MMRN1: variants seen among roughly 807,000 people sequenced by gnomAD.
MMRN1 encodes multimerin 1, also known as multimerin-1.
In MMRN1, 94 loss-of-function variants were observed where a neutral mutation model predicts 100.7. The observed-to-expected ratio is 0.93, with a 90% CI of 0.79 to 1.11. The LOEUF (loss-of-function observed/expected upper bound fraction) is 1.11. Ranked by LOEUF, MMRN1 falls within the 50% of genes least tolerant of loss-of-function variation. The pLI is 0.00. For missense variants in MMRN1, 1,606 were observed against 1,439.1 expected, an observed-to-expected ratio of 1.12 and a Z score of -1.88; for synonymous variants, 575 against 505.0, an observed-to-expected ratio of 1.14 and a Z score of -1.86.
chr4:89,895,784 A>C (rs1035855602), intron 1 of MMRN1, among the ~76,000 whole-genome samples, 190 bp downstream of exon 1: 1 of 152,128 alleles, frequency 6.6e-6, no homozygotes, highest in Admixed American at 6.6e-5. Context: ...AAGAAATAAA[A>C]TGCAGCAATT....
chr4:89,947,632 G>A (rs1215570614), intron 6 of MMRN1, among the ~76,000 whole-genome samples: 1 of 152,130 alleles, frequency 6.6e-6, no homozygotes, highest in East Asian at 1.9e-4. Flanking sequence ...GGAGCATCAG[G>A]CAGCAATGGA....
At chr4:89,926,356 G>T (rs990993658) in intron 4 of MMRN1, among the ~76,000 whole-genome samples, 1 of 150,608 alleles carries the variant, frequency 6.6e-6, no homozygotes, top group Admixed American at 6.6e-5. Context: ...TAGTAGTTTT[G>T]GTTTGAGTTT....
chr4:89,954,165 C>T lies in MMRN1; in HGVS notation c.*747C>T, dbSNP rs915421562. ...CTATGGTAGTACCTACAGATCTGCC[C>T]TTCTTCTTCTAAAGGGTAAGTCATA... On this transcript the variant is annotated 3_prime_UTR_variant, in exon 8 of 8. Coordinates refer to ENST00000264790, the MANE Select transcript of MMRN1 (RefSeq NM_007351.3). 4 of 152,070 alleles carry T rather than the reference C, an allele frequency of 2.6e-5. No homozygotes were observed. Among genetic ancestry groups the T allele is most frequent in the Non-Finnish European group, 4.4e-5 (3 of 68,014 alleles). 9.4% of individuals were successfully genotyped at this position (152,070 alleles called of 1,614,324 possible). A position where few individuals can be genotyped will look rare whatever the true frequency, so the allele number is the denominator to read the frequency against.
intron 3 of MMRN1, among the ~76,000 whole-genome samples, chr4:89,917,093 G>A (rs1412575227): frequency 6.6e-6 from 1 of 151,130 alleles, no homozygotes; most frequent in African/African-American, 2.4e-5. Flanking sequence ...ACATCCTCGT[G>A]TGTGTGTTTG....
At chr4:89,934,786 A>AG in intron 5 of MMRN1, 24 bp from the exon 6 acceptor site, 1 of 1,311,454 alleles carries the variant, frequency 7.6e-7, no homozygotes, top group East Asian at 2.4e-5. Flanking sequence ...AAAACTATGT[A>AG]TTATTAATTA....
chr4:89,938,903 G>A (rs534471987), intron 6 of MMRN1, among the ~76,000 whole-genome samples: 20 of 151,962 alleles, frequency 1.3e-4, no homozygotes, highest in Non-Finnish European at 2.1e-4. Flanking sequence ...TAATTCCCAC[G>A]TGCAAGGTAG....
Position 89,898,745 on chromosome 4 carries a change from T to C in MMRN1, c.623+3151T>C, listed in dbSNP as rs1383510672. On this transcript the variant is annotated intron_variant, in intron 1 of 7. Transcript: ENST00000264790. ...AATGGGCCCTCTTTTGCCATCGTTC[T>C]CTCTTTTCACACCTAATAATAACTC... 2.0e-5 allele frequency among the ~76,000 whole-genome samples: 3 copies of C among 152,094 alleles called. No homozygotes were observed. In the East Asian group the frequency reaches 5.8e-4, roughly 29 times the overall value.
chr4:89,953,336 G>C lies in MMRN1; in HGVS notation c.3605G>C (p.Trp1202Ser). ...LLELNYGQEV[W>S]LRLAKGTIPA... is the part of the protein sequence containing the mutation. ...GAATTAAATTATGGGCAGGAAGTCT[G>C]GTTACGACTTGCAAAAGGAACAATT... The change falls in exon 8 of 8, where the codon TGG (tryptophan) becomes TCG (serine). Residue 1202 changes from tryptophan (W) to serine (S), a missense_variant. By Grantham distance (177) the Trp-to-Ser change is radical. Coordinates refer to ENST00000264790, the MANE Select transcript of MMRN1 (RefSeq NM_007351.3). 6.2e-7 allele frequency: 1 copy of C among 1,613,700 alleles called. No homozygotes were observed. Among genetic ancestry groups the C allele is most frequent in the Non-Finnish European group, 8.5e-7 (1 of 1,179,788 alleles).
Position 89,936,045 on chromosome 4 carries a change from T to G in MMRN1, c.2365T>G (p.Leu789Val), listed in dbSNP as rs779261827. 1.2e-6 allele frequency: 2 copies of G among 1,612,328 alleles called. No individual in the cohort carries two copies. Among genetic ancestry groups the G allele is most frequent in the East Asian group, 4.5e-5 (2 of 44,818 alleles). Reference protein sequence around the residue: ...FHRLNDSIQTLVNDNQRYNFV... With the variant: ...FHRLNDSIQTVVNDNQRYNFV... ...CCGTCTGAATGATTCTATTCAGACT[T>G]TGGTCAATGACAATCAGAGATATAA... The change falls in exon 6 of 8, where the codon TTG (leucine) becomes GTG (valine). Residue 789 changes from leucine (L) to valine (V), a missense_variant. Transcript: ENST00000264790.
chr4:89,937,892 A>C (rs938862284), intron 6 of MMRN1, among the ~76,000 whole-genome samples: 1 of 152,088 alleles, frequency 6.6e-6, no homozygotes, highest in African/African-American at 2.4e-5. Flanking sequence ...TATAAATTGC[A>C]TAATAGTACC....
intron 6 of MMRN1, among the ~76,000 whole-genome samples, chr4:89,946,660 TA>T (rs1222979993): frequency 2.0e-5 from 3 of 152,064 alleles, no homozygotes; most frequent in African/African-American, 7.2e-5. Context: ...GTAATTATAA[TA>T]AAAAATGACA....
intron 3 of MMRN1, among the ~76,000 whole-genome samples, chr4:89,913,016 T>G (rs1270268345): frequency 6.6e-6 from 1 of 151,320 alleles, no homozygotes; most frequent in South Asian, 2.1e-4. Flanking sequence ...AATGAATATG[T>G]ACTTCATTTA....
chr4:89,952,961 A>C (rs765421682), intron 7 of MMRN1, 36 bp from the exon 8 acceptor site: 3 of 1,521,110 alleles, frequency 2.0e-6, no homozygotes, highest in Non-Finnish European at 1.8e-6. Context: ...AGATAAAAAC[A>C]TGAAAATTAA....
At position 89,911,982 on chromosome 4, in the gene MMRN1, A is replaced by G; in HGVS notation, c.782A>G (p.His261Arg). 1.2e-6 allele frequency: 2 copies of G among 1,604,660 alleles called. No homozygotes were observed. Among genetic ancestry groups the G allele is most frequent in the Non-Finnish European group, 1.7e-6 (2 of 1,174,374 alleles). ...TCCAATCCTGTCTATAGGATGCAAC[A>G]TAAAATTGTCACCTCATTGGATTGG... Reference protein sequence around the residue: ...KISNPVYRMQHKIVTSLDWRC... With the variant: ...KISNPVYRMQRKIVTSLDWRC... The change falls in exon 3 of 8, where the codon CAT (histidine) becomes CGT (arginine). Residue 261 changes from histidine to arginine, a missense_variant. Physicochemically the swap from His to Arg is conservative, Grantham distance 29 (BLOSUM62 0). Coordinates refer to ENST00000264790, the MANE Select transcript of MMRN1 (RefSeq NM_007351.3).
At chr4:89,908,457 G>T (rs556440870) in intron 1 of MMRN1, among the ~76,000 whole-genome samples, 1 of 151,480 alleles carries the variant, frequency 6.6e-6, no homozygotes, top group Non-Finnish European at 1.5e-5. Flanking sequence ...AGAATTTGAA[G>T]ATTAATTTGA....
chr4:89,910,583 C>T (rs1721717865), intron 2 of MMRN1, among the ~76,000 whole-genome samples: 1 of 151,372 alleles, frequency 6.6e-6, no homozygotes, highest in Admixed American at 6.6e-5. Flanking sequence ...ACATTGACCC[C>T]AACAATAGTT....
chr4:89,924,704 C>T (rs987441100), intron 4 of MMRN1, among the ~76,000 whole-genome samples: 3 of 151,756 alleles, frequency 2.0e-5, no homozygotes, highest in South Asian at 2.1e-4. Flanking sequence ...ATTAGTCTAA[C>T]GTGGTGGTGT....
chr4:89,952,901 AC>A, intron 7 of MMRN1, 95 bp from the exon 8 acceptor site: 1 of 1,245,284 alleles, frequency 8.0e-7, no homozygotes, highest in Non-Finnish European at 1.1e-6. Context: ...TTCTGCTAAG[AC>A]TTTTTGTAAC....
At chr4:89,926,074 G>A (rs991045858) in intron 4 of MMRN1, among the ~76,000 whole-genome samples, 1 of 152,116 alleles carries the variant, frequency 6.6e-6, no homozygotes, top group African/African-American at 2.4e-5. Context: ...TGTGAATAGT[G>A]CTGGCAATAT....
Sources: allele counts gnomAD v4.1 joint callset (sites outside exome capture counted in the v4.1 genomes callset), GRCh38; gene constraint gnomAD v4.1.1; transcripts MANE v1.5; gene names NCBI Gene and HGNC (gene_info 2026-07-23, HGNC 2026-07-21).